GNAZ: variants seen among roughly 807,000 people sequenced by gnomAD.
GNAZ encodes guanine nucleotide-binding protein G(z) subunit alpha.
Under a neutral mutation model 25.4 loss-of-function variants are expected in GNAZ, and 3 were observed. That is an observed-to-expected ratio of 0.12 (90% confidence interval 0.05 to 0.30). GNAZ has a LOEUF of 0.30. Among genes scored for constraint, GNAZ ranks in the 10% least tolerant of loss-of-function variants. The probability of loss-of-function intolerance (pLI) is 1.00; values close to 1 mark genes in which losing one functional copy is unlikely to be tolerated. For missense variants in GNAZ, 241 were observed against 501.8 expected (o/e 0.48, Z 4.97); for synonymous variants, 211 against 205.7 (o/e 1.03, Z -0.22).
intron 2 of GNAZ, among the ~76,000 whole-genome samples, chr22:23,103,835 C>T (rs1268424514): frequency 6.6e-6 from 1 of 152,134 alleles, no homozygotes; most frequent in Admixed American, 6.5e-5. Context: ...TCAAGCAGGC[C>T]CTGGAGGACC....
At chr22:23,084,698 T>C (rs1466643003) in intron 1 of GNAZ, among the ~76,000 whole-genome samples, 1 of 152,210 alleles carries the variant, frequency 6.6e-6, no homozygotes, top group Non-Finnish European at 1.5e-5. Context: ...CCTTGAGAGC[T>C]GCAGCCCCGC....
At chr22:23,101,138 T>A (rs568747379) in intron 2 of GNAZ, among the ~76,000 whole-genome samples, 1 of 152,164 alleles carries the variant, frequency 6.6e-6, no homozygotes, top group Non-Finnish European at 1.5e-5. Context: ...CTCCCCAGCA[T>A]ACCAGGGCTT....
chr22:23,080,235 C>T lies in GNAZ; in HGVS notation c.-450+9665C>T, dbSNP rs549173944. 4.5e-4 allele frequency among the ~76,000 whole-genome samples: 68 copies of T among 152,334 alleles called. No homozygotes were observed. In the South Asian group the frequency reaches 0.014, roughly 31 times the overall value. On this transcript the variant is annotated intron_variant, in intron 1 of 2. Coordinates refer to ENST00000615612, the MANE Select transcript of GNAZ (RefSeq NM_002073.4). ...CTTGATTTCCTCCTGAGTCAGTGTT[C>T]CTCAGGCGACACTATCACCCTTTGT...
intron 1 of GNAZ, among the ~76,000 whole-genome samples, chr22:23,075,124 G>A (rs996582987): frequency 1.3e-5 from 2 of 152,188 alleles, no homozygotes; most frequent in Non-Finnish European, 1.5e-5. Context: ...ATAATATTGG[G>A]GATGTAGTGG....
chr22:23,087,020 G>A (rs1009618308), intron 1 of GNAZ, among the ~76,000 whole-genome samples: 1 of 152,218 alleles, frequency 6.6e-6, no homozygotes, highest in Non-Finnish European at 1.5e-5. Flanking sequence ...AAGGGCAGTG[G>A]AAAGTGCTTC....
rs932424395 is a variant in GNAZ, at chr22:23,095,395, G to A, written c.-301G>A. ...GCAGCCGAGGCAAACACAAGCGGAC[G>A]GCTTCCCACCGTCGCCGAGGACAGG... On this transcript the variant is annotated 5_prime_UTR_variant, in exon 2 of 3. Coordinates refer to ENST00000615612, the MANE Select transcript of GNAZ (RefSeq NM_002073.4). The A allele has an allele frequency of 5.4e-6, 2 of 369,690 alleles. No individual in the cohort carries two copies. The highest frequency in any genetic ancestry group is 9.9e-6 in the Non-Finnish European group (2 of 201,942). The allele number at this position is 369,690 out of a possible 1,614,324, so 22.9% of individuals were successfully genotyped here. A position where few individuals can be genotyped will look rare whatever the true frequency, so the allele number is the denominator to read the frequency against.
At chr22:23,119,682 A>G (rs2069954791) in intron 2 of GNAZ, among the ~76,000 whole-genome samples, 1 of 152,350 alleles carries the variant, frequency 6.6e-6, no homozygotes, top group Non-Finnish European at 1.5e-5. Flanking sequence ...AGCCTGCGTC[A>G]GGGACGCTGG....
chr22:23,099,312 G>A (rs1190890522), intron 2 of GNAZ, among the ~76,000 whole-genome samples: 1 of 152,264 alleles, frequency 6.6e-6, no homozygotes, highest in African/African-American at 2.4e-5. Flanking sequence ...CACATGGGGA[G>A]CCACGCCCCT....
At chr22:23,088,903 T>C (rs3788346) in intron 1 of GNAZ, among the ~76,000 whole-genome samples, 52,540 of 152,162 alleles carry the variant, frequency 0.35, 9,919 homozygotes, top group African/African-American at 0.51. Flanking sequence ...TCTGAGTGGC[T>C]TCTATTGGGC....
intron 2 of GNAZ, among the ~76,000 whole-genome samples, chr22:23,098,081 C>T (rs1296518041): frequency 2.0e-5 from 3 of 152,276 alleles, no homozygotes; most frequent in African/African-American, 7.2e-5. Flanking sequence ...GGTGTCTTCA[C>T]AGATGGGCCC....
chr22:23,089,942 A>T (rs1601779979), intron 1 of GNAZ, among the ~76,000 whole-genome samples: 1 of 152,244 alleles, frequency 6.6e-6, no homozygotes, highest in Middle Eastern at 3.4e-3. Context: ...AGCACAGCCC[A>T]CTAGGGCTTC....
intron 2 of GNAZ, among the ~76,000 whole-genome samples, chr22:23,118,283 T>G (rs1264722248): frequency 6.6e-6 from 1 of 152,220 alleles, no homozygotes; most frequent in East Asian, 1.9e-4. Flanking sequence ...TTCCCACCAT[T>G]GCACAAGCTT....
intron 1 of GNAZ, among the ~76,000 whole-genome samples, chr22:23,077,295 G>A (rs1345157067): frequency 6.6e-6 from 1 of 152,152 alleles, no homozygotes; most frequent in Non-Finnish European, 1.5e-5. Flanking sequence ...AGCAGCTCAG[G>A]TCATTGCTTG....
At chr22:23,111,309 G>C (rs564376256) in intron 2 of GNAZ, among the ~76,000 whole-genome samples, 1 of 152,348 alleles carries the variant, frequency 6.6e-6, no homozygotes, top group East Asian at 1.9e-4. Context: ...GCTCTGTACC[G>C]AGCAGGGGGT....
At chr22:23,117,938 G>A (rs937500486) in intron 2 of GNAZ, among the ~76,000 whole-genome samples, 4 of 152,146 alleles carry the variant, frequency 2.6e-5, no homozygotes, top group African/African-American at 2.4e-5. Flanking sequence ...TGCCCCGGCC[G>A]CTGACCTGGG....
chr22:23,086,400 C>T (rs1339120478), intron 1 of GNAZ, among the ~76,000 whole-genome samples: 1 of 152,248 alleles, frequency 6.6e-6, no homozygotes, highest in East Asian at 1.9e-4. Context: ...GAGCAAAGCA[C>T]TCGGCCCAGC....
intron 1 of GNAZ, among the ~76,000 whole-genome samples, chr22:23,081,922 G>A (rs58478384): frequency 2.7e-5 from 4 of 150,358 alleles, no homozygotes; most frequent in East Asian, 2.0e-4. Context: ...TCAGGAGATC[G>A]AGACCATCCT....
At chr22:23,112,348 G>C (rs2069680017) in intron 2 of GNAZ, among the ~76,000 whole-genome samples, 1 of 152,208 alleles carries the variant, frequency 6.6e-6, no homozygotes, top group Non-Finnish European at 1.5e-5. Flanking sequence ...GTGCTCACCA[G>C]GCCGTTTGCT....
intron 2 of GNAZ, among the ~76,000 whole-genome samples, chr22:23,100,504 G>T (rs73878646): frequency 0.012 from 1,788 of 152,334 alleles, 43 homozygotes; most frequent in African/African-American, 0.04. Flanking sequence ...TTCTGCAGGT[G>T]GCAAGTGCTT....
Sources: allele counts gnomAD v4.1 joint callset (sites outside exome capture counted in the v4.1 genomes callset), GRCh38; gene constraint gnomAD v4.1.1; transcripts MANE v1.5; gene names NCBI Gene and HGNC (gene_info 2026-07-23, HGNC 2026-07-21).